KIAA2012: variants seen among roughly 807,000 people sequenced by gnomAD.
The protein encoded by KIAA2012 is uncharacterized protein KIAA2012.
KIAA2012 carries 125 observed loss-of-function variants against 150.6 expected under a neutral mutation model. The ratio of observed to expected loss-of-function variants is 0.83; its 90% CI spans 0.72 to 0.96. The LOEUF (loss-of-function observed/expected upper bound fraction) is 0.96, where lower values mean the gene tolerates loss of function less well. Ranked by LOEUF, KIAA2012 falls within the 40% of genes least tolerant of loss-of-function variation. The probability of loss-of-function intolerance (pLI) is 0.00; values close to 1 mark genes in which losing one functional copy is unlikely to be tolerated. For synonymous variants in KIAA2012, 462 were observed against 504.7 expected (o/e 0.92, Z 1.13); for missense variants, 1,219 against 1,354.9 (o/e 0.90, Z 1.57).
chr2:202,102,190 G>A lies in KIAA2012; in HGVS notation c.1156-756G>A, dbSNP rs749920775. Among the ~76,000 whole-genome samples the A allele has an allele frequency of 7.3e-5, 11 of 150,630 alleles. No homozygotes were observed. In the East Asian group the frequency reaches 7.8e-4, roughly 11 times the overall value. On this transcript the variant is annotated intron_variant, in intron 7 of 23. Coordinates refer to ENST00000498697, the MANE Select transcript of KIAA2012 (RefSeq NM_001277372.4). ...CATACACACACACATACACATACAC[G>A]CACACACACACACACTTTTTGGGGG... is the stretch of plus-strand genomic sequence containing the variant.
chr2:202,174,601 T>C (rs987042631), intron 15 of KIAA2012, among the ~76,000 whole-genome samples: 1 of 152,222 alleles, frequency 6.6e-6, no homozygotes, highest in African/African-American at 2.4e-5. Context: ...GGAATTGTTA[T>C]TATGGAAAAC....
chr2:202,120,887 T>C (rs1690638344), intron 11 of KIAA2012, among the ~76,000 whole-genome samples: 1 of 152,226 alleles, frequency 6.6e-6, no homozygotes, highest in Non-Finnish European at 1.5e-5. Context: ...TGGAAGAATG[T>C]GTTCAGCTAA....
chr2:202,180,269 CAAAAAAAAAAA>C (rs569117421), intron 15 of KIAA2012, among the ~76,000 whole-genome samples: 1 of 49,336 alleles, frequency 2.0e-5, no homozygotes, highest in East Asian at 5.2e-4. Flanking sequence ...GAAACTCCTC[CAAAAAAAAAAA>C]AAAAAAAAGA....
chr2:202,192,220 A>AATT (rs1692335986), intron 19 of KIAA2012, among the ~76,000 whole-genome samples: 2 of 152,114 alleles, frequency 1.3e-5, no homozygotes. Flanking sequence ...GCAAAGACTA[A>AATT]AAAGCAAGGA....
At position 202,164,695 on chromosome 2, in the gene KIAA2012, C is replaced by T. The variant is rs138518457; in HGVS notation, c.2047-589C>T. Among the ~76,000 whole-genome samples, 59 of 152,322 alleles carry T rather than the reference C, an allele frequency of 3.9e-4. No individual in the cohort carries two copies. In the East Asian group the frequency reaches 0.01, roughly 26 times the overall value. On this transcript the variant is annotated intron_variant, in intron 14 of 23. Coordinates refer to ENST00000498697, the MANE Select transcript of KIAA2012 (RefSeq NM_001277372.4). ...GGGGGTTTGACTCCTCCCAGCCCTG[C>T]GCAGTTCTCTCAGTCTCTGCTGTAG...
At position 202,093,029 on chromosome 2, in the gene KIAA2012, G is replaced by A; in HGVS notation, c.530-1G>A. On this transcript the variant is annotated splice_acceptor_variant, in intron 3 of 23. Transcript: ENST00000498697. LOFTEE classifies it high-confidence loss of function. ...TCAATATCTCCTGATCTACTCTTCA[G>A]GATACATCAAGGATTCTGTGCTACT... 1 of 1,549,872 alleles carries A rather than the reference G, an allele frequency of 6.5e-7. No homozygotes were observed. The highest frequency in any genetic ancestry group is 8.7e-7 in the Non-Finnish European group (1 of 1,146,706).
chr2:202,162,337 C>T (rs555061589), intron 14 of KIAA2012, among the ~76,000 whole-genome samples: 6 of 152,080 alleles, frequency 3.9e-5, no homozygotes, highest in African/African-American at 7.2e-5. Flanking sequence ...TGCAGTGTTG[C>T]GATCTCGGCT....
At chr2:202,171,569 T>C (rs1574304878) in intron 15 of KIAA2012, among the ~76,000 whole-genome samples, 1 of 151,972 alleles carries the variant, frequency 6.6e-6, no homozygotes, top group East Asian at 1.9e-4. Context: ...TCTCCGAGTG[T>C]GTCGCCTCCT....
At chr2:202,157,401 C>T (rs1482226297) in intron 14 of KIAA2012, among the ~76,000 whole-genome samples, 13 of 152,166 alleles carry the variant, frequency 8.5e-5, no homozygotes, top group Admixed American at 8.5e-4. Flanking sequence ...TCCTGCCTGT[C>T]CGCAGGGCAT....
chr2:202,120,897 A>C (rs1690638456), intron 11 of KIAA2012, among the ~76,000 whole-genome samples: 1 of 152,194 alleles, frequency 6.6e-6, no homozygotes, highest in South Asian at 2.1e-4. Context: ...TGTTCAGCTA[A>C]ATTCTAATAA....
At chr2:202,182,195 A>G (rs1362732524) in intron 15 of KIAA2012, among the ~76,000 whole-genome samples, 1 of 145,394 alleles carries the variant, frequency 6.9e-6, no homozygotes, top group East Asian at 2.0e-4. Flanking sequence ...GTTCACTGCA[A>G]CCTCCACCTC....
chr2:202,088,248 A>C (rs1333470315), intron 2 of KIAA2012, among the ~76,000 whole-genome samples: 1 of 152,164 alleles, frequency 6.6e-6, no homozygotes, highest in Non-Finnish European at 1.5e-5. Context: ...TGCTGACAAA[A>C]AATTGGGACT....
intron 14 of KIAA2012, among the ~76,000 whole-genome samples, chr2:202,156,913 G>A (rs1450447581): frequency 2.6e-5 from 4 of 152,064 alleles, no homozygotes; most frequent in Non-Finnish European, 4.4e-5. Flanking sequence ...ATCTAAGAAC[G>A]CAGAATTCAA....
intron 14 of KIAA2012, among the ~76,000 whole-genome samples, chr2:202,159,072 A>G (rs1691597643): frequency 6.6e-6 from 1 of 152,224 alleles, no homozygotes; most frequent in African/African-American, 2.4e-5. Context: ...ACCTGTTTTG[A>G]GACCAGTCCC....
intron 12 of KIAA2012, among the ~76,000 whole-genome samples, chr2:202,131,906 T>A (rs1040739926): frequency 6.6e-6 from 1 of 152,168 alleles, no homozygotes; most frequent in Non-Finnish European, 1.5e-5. Context: ...CCTGGTGCGG[T>A]GGCTCATGCC....
At chr2:202,126,681 C>T (rs895396971) in intron 12 of KIAA2012, among the ~76,000 whole-genome samples, 1 of 151,974 alleles carries the variant, frequency 6.6e-6, no homozygotes, top group Admixed American at 6.6e-5. Context: ...GTTATATATT[C>T]CTGATATGCC....
intron 11 of KIAA2012, among the ~76,000 whole-genome samples, chr2:202,117,981 C>T (rs1401270399): frequency 6.6e-6 from 1 of 151,336 alleles, no homozygotes; most frequent in Admixed American, 6.6e-5. Flanking sequence ...CTAAGGTTCT[C>T]CTAACATGGC....
chr2:202,097,336 CT>C, intron 4 of KIAA2012, 98 bp from the exon 5 acceptor site: 2 of 1,512,698 alleles, frequency 1.3e-6, no homozygotes, highest in South Asian at 2.6e-5. Flanking sequence ...GCCTTGAGCA[CT>C]TTTACTCAGA....
chr2:202,176,203 C>CTT (rs5837808), intron 15 of KIAA2012, among the ~76,000 whole-genome samples: 5 of 145,670 alleles, frequency 3.4e-5, no homozygotes, highest in South Asian at 2.2e-4. Flanking sequence ...ATTGATAAAT[C>CTT]TTTTTTTTTT....
Sources: gnomAD v4.1 joint callset for allele counts (sites outside exome capture counted in the v4.1 genomes callset) on GRCh38, gnomAD v4.1.1 for gene constraint, MANE v1.5 for transcripts, NCBI Gene and HGNC (gene_info 2026-07-23, HGNC 2026-07-21) for gene names.